Variants in RYK observed in about 807,000 individuals in gnomAD.
RYK encodes receptor like tyrosine kinase, also known as inactive tyrosine-protein kinase RYK.
A neutral mutation model predicts 70.2 loss-of-function variants in RYK; 21 were observed. That is an observed-to-expected ratio of 0.30 (90% CI 0.21 to 0.43). The LOEUF is 0.43. Ranked by LOEUF, RYK falls within the 20% of genes least tolerant of loss-of-function variation. RYK has a pLI of 1.00. For synonymous variants in RYK, 267 were observed against 278.0 expected (o/e 0.96, Z 0.39); for missense variants, 604 against 753.3 (o/e 0.80, Z 2.32).
intron 13 of RYK, among the ~76,000 whole-genome samples, chr3:134,163,881 G>A (rs2012566874): frequency 6.6e-6 from 1 of 152,156 alleles, no homozygotes; most frequent in African/African-American, 2.4e-5. Context: ...AAATGAACCT[G>A]GGTTAAGTGT....
At chr3:134,205,735 T>C (rs1275213324) in intron 5 of RYK, among the ~76,000 whole-genome samples, 1 of 152,212 alleles carries the variant, frequency 6.6e-6, no homozygotes, top group African/African-American at 2.4e-5. Flanking sequence ...AAGCTATCCT[T>C]GGGTTCCCAA....
At chr3:134,163,544 C>T (rs940977198) in intron 13 of RYK, among the ~76,000 whole-genome samples, 1 of 152,156 alleles carries the variant, frequency 6.6e-6, no homozygotes, top group African/African-American at 2.4e-5. Flanking sequence ...AGATGTAAAA[C>T]AGTTTTTCCA....
intron 1 of RYK, among the ~76,000 whole-genome samples, chr3:134,225,884 A>AAAG (rs1553773657): frequency 6.6e-6 from 1 of 151,656 alleles, no homozygotes; most frequent in Non-Finnish European, 1.5e-5. Context: ...AAAAAAAAAA[A>AAAG]GATCAAAGGT....
At chr3:134,193,594 A>C (rs1416188549) in intron 7 of RYK, among the ~76,000 whole-genome samples, 2 of 152,250 alleles carry the variant, frequency 1.3e-5, no homozygotes, top group African/African-American at 2.4e-5. Context: ...ATTGATATTT[A>C]AACATTAAAA....
chr3:134,165,432 G>A (rs907927660), intron 13 of RYK, among the ~76,000 whole-genome samples: 1 of 152,114 alleles, frequency 6.6e-6, no homozygotes, highest in African/African-American at 2.4e-5. Context: ...TCTTGTTCCT[G>A]GTATTAAATA....
intron 1 of RYK, among the ~76,000 whole-genome samples, chr3:134,236,306 C>T (rs890383236): frequency 1.7e-4 from 26 of 152,126 alleles, no homozygotes; most frequent in African/African-American, 6.0e-4. Flanking sequence ...AAGAGCTGGT[C>T]CCTCAATGAA....
chr3:134,197,017 G>GT (rs1376818110), intron 6 of RYK, among the ~76,000 whole-genome samples: 1 of 152,026 alleles, frequency 6.6e-6, no homozygotes, highest in East Asian at 1.9e-4. Flanking sequence ...GCAAATTGCA[G>GT]TTTTTGTCAT....
Position 134,158,071 on chromosome 3 carries a change from G to T in RYK, c.*82C>A. 1.6e-6 allele frequency: 1 copy of T among 617,324 alleles called. No individual in the cohort carries two copies. The highest frequency in any genetic ancestry group is 2.5e-6 in the Non-Finnish European group (1 of 401,598). The allele number at this position is 617,324 out of a possible 1,614,324, so 38.2% of individuals were successfully genotyped here. A position where few individuals can be genotyped will look rare whatever the true frequency, so the allele number is the denominator to read the frequency against. On this transcript the variant is annotated 3_prime_UTR_variant, in exon 15 of 15. Transcript: ENST00000623711. ...ACAAATGTGCTTCTGTTGGCGTTGT[G>T]TTAGATACAAAGCATCCCTGACAGG...
Position 134,158,093 on chromosome 3 carries a change from C to G in RYK, c.*60G>C. 2.3e-6 allele frequency: 2 copies of G among 886,932 alleles called. No individual in the cohort carries two copies. The highest frequency in any genetic ancestry group is 3.2e-6 in the Non-Finnish European group (2 of 631,560). 54.9% of individuals were successfully genotyped at this position (886,932 alleles called of 1,614,324 possible). On this transcript the variant is annotated 3_prime_UTR_variant, in exon 15 of 15. Coordinates refer to ENST00000623711, the MANE Select transcript of RYK (RefSeq NM_002958.4). ...TGTGTTAGATACAAAGCATCCCTGA[C>G]AGGCTTCAAGTGAGCCCCGACAGGC...
chr3:134,204,921 G>A (rs2107676331), intron 5 of RYK, among the ~76,000 whole-genome samples: 1 of 152,124 alleles, frequency 6.6e-6, no homozygotes, highest in African/African-American at 2.4e-5. Flanking sequence ...GCAGAAGCAG[G>A]GAACAAGTTA....
chr3:134,179,681 T>C (rs1444982080), intron 10 of RYK: 1 of 152,202 alleles, frequency 6.6e-6, no homozygotes, highest in Admixed American at 6.5e-5. Flanking sequence ...ATTACAGAGC[T>C]TCCTTTCCAC....
At chr3:134,209,239 T>G (rs1182424903) in intron 4 of RYK, among the ~76,000 whole-genome samples, 1 of 152,172 alleles carries the variant, frequency 6.6e-6, no homozygotes, top group Non-Finnish European at 1.5e-5. Context: ...ATTTTACAGA[T>G]GAAAAAACTA....
chr3:134,201,175 A>C (rs1433460172), intron 6 of RYK, among the ~76,000 whole-genome samples: 1 of 152,240 alleles, frequency 6.6e-6, no homozygotes, highest in Non-Finnish European at 1.5e-5. Context: ...TGTAAAATCT[A>C]AACCTAACTT....
At chr3:134,187,363 T>C (rs1452780519) in intron 9 of RYK, among the ~76,000 whole-genome samples, 11 of 152,198 alleles carry the variant, frequency 7.2e-5, no homozygotes, top group Admixed American at 7.2e-4. Flanking sequence ...TAAAATTTTA[T>C]CACTTTCTAC....
intron 1 of RYK, among the ~76,000 whole-genome samples, chr3:134,225,293 A>G (rs899032059): frequency 4.6e-5 from 7 of 152,330 alleles, no homozygotes; most frequent in African/African-American, 1.7e-4. Context: ...TTAGAAATAT[A>G]TGTCAGATAA....
chr3:134,222,864 G>A (rs1383686305), intron 1 of RYK, among the ~76,000 whole-genome samples: 1 of 152,128 alleles, frequency 6.6e-6, no homozygotes, highest in Non-Finnish European at 1.5e-5. Flanking sequence ...GCTTCTTAGA[G>A]GAACAGCTAC....
chr3:134,191,789 A>G (rs953929849), intron 8 of RYK, 60 bp downstream of exon 8: 2 of 1,375,120 alleles, frequency 1.5e-6, no homozygotes, highest in Non-Finnish European at 2.0e-6. Flanking sequence ...TTTTGAAAAA[A>G]GTGTCTATAG....
intron 1 of RYK, among the ~76,000 whole-genome samples, chr3:134,247,570 T>C (rs911931590): frequency 6.6e-6 from 1 of 151,974 alleles, no homozygotes; most frequent in Non-Finnish European, 1.5e-5. Context: ...GGCATGGTAA[T>C]GCGTGCCTGT....
intron 2 of RYK, among the ~76,000 whole-genome samples, chr3:134,213,154 A>T (rs192459862): frequency 6.6e-6 from 1 of 152,326 alleles, no homozygotes; most frequent in Admixed American, 6.5e-5. Context: ...CCAGCAATAC[A>T]TCAAAGAATG....
Sources: gnomAD v4.1 joint callset for allele counts (sites outside exome capture counted in the v4.1 genomes callset) on GRCh38, gnomAD v4.1.1 for gene constraint, MANE v1.5 for transcripts, NCBI Gene and HGNC (gene_info 2026-07-23, HGNC 2026-07-21) for gene names.